BCKDHB: variants seen among roughly 807,000 people sequenced by gnomAD.
The protein encoded by BCKDHB is 2-oxoisovalerate dehydrogenase subunit beta, mitochondrial.
In BCKDHB, 41 loss-of-function variants were observed where a neutral mutation model predicts 48.5. That is an observed-to-expected ratio of 0.85 (90% CI 0.66 to 1.10). The LOEUF (loss-of-function observed/expected upper bound fraction) is 1.10, where lower values mean the gene tolerates loss of function less well. BCKDHB is among the 50% of genes least tolerant of loss of function. BCKDHB has a pLI of 0.00. For missense variants in BCKDHB, 496 were observed against 494.2 expected, an observed-to-expected ratio of 1.00 and a Z score of -0.03; for synonymous variants, 201 against 174.8, an observed-to-expected ratio of 1.15 and a Z score of -1.18.
At chr6:80,203,474 G>A (rs1283256001) in intron 8 of BCKDHB, among the ~76,000 whole-genome samples, 2 of 152,012 alleles carry the variant, frequency 1.3e-5, no homozygotes, top group East Asian at 3.8e-4. Flanking sequence ...AGTCACCTTG[G>A]GTTGAATTGT....
the BCKDHB span, among the ~76,000 whole-genome samples, chr6:80,398,269 C>T: frequency 1.3e-5 from 2 of 148,940 alleles, no homozygotes; most frequent in Non-Finnish European, 3.0e-5. Context: ...AAAAATCACA[C>T]AAAAGTACAA....
chr6:80,231,194 T>C (rs542871032), intron 8 of BCKDHB, among the ~76,000 whole-genome samples: 1 of 152,182 alleles, frequency 6.6e-6, no homozygotes, highest in African/African-American at 2.4e-5. Context: ...TACTTAATTA[T>C]ACATACTTAA....
rs965384463 is a variant in BCKDHB, at chr6:80,198,101, T to A, written c.743-2833T>A. Among the ~76,000 whole-genome samples, 7 of 152,182 alleles carry A rather than the reference T, an allele frequency of 4.6e-5. No homozygotes were observed. In the East Asian group the frequency reaches 5.8e-4, roughly 13 times the overall value. ...CAATCTTTTTCTGTAAACGAACAGA[T>A]GGTAAATATTTTAGGTTTGCAGACC... On this transcript the variant is annotated intron_variant, in intron 6 of 9. Coordinates refer to ENST00000320393, the MANE Select transcript of BCKDHB (RefSeq NM_183050.4).
chr6:80,436,115 CTTTG>C, the BCKDHB span, among the ~76,000 whole-genome samples: 2,349 of 115,028 alleles, frequency 0.02, 61 homozygotes, highest in African/African-American at 0.066. Flanking sequence ...CTAATATTAA[CTTTG>C]TTTGTATTCT....
chr6:80,393,658 C>G, the BCKDHB span, among the ~76,000 whole-genome samples: 8 of 152,198 alleles, frequency 5.3e-5, no homozygotes, highest in African/African-American at 1.9e-4. Flanking sequence ...AACACCCCAT[C>G]AGCAAGCCTT....
chr6:80,306,085 C>G (rs1292520598), intron 9 of BCKDHB, among the ~76,000 whole-genome samples: 1 of 152,160 alleles, frequency 6.6e-6, no homozygotes, highest in East Asian at 1.9e-4. Context: ...ACATGTAAAA[C>G]TGGAACATCA....
chr6:80,326,248 G>A (rs528936025), intron 9 of BCKDHB, among the ~76,000 whole-genome samples: 28 of 152,160 alleles, frequency 1.8e-4, no homozygotes, highest in African/African-American at 5.8e-4. Context: ...AAGAGTCTCC[G>A]CCATAAGCTT....
At chr6:80,125,553 A>T (rs1021148092) in intron 1 of BCKDHB, among the ~76,000 whole-genome samples, 14 of 152,130 alleles carry the variant, frequency 9.2e-5, no homozygotes, top group African/African-American at 2.9e-4. Flanking sequence ...AGTCATTTCT[A>T]ACTTACGATT....
intron 8 of BCKDHB, among the ~76,000 whole-genome samples, chr6:80,271,336 G>T (rs1378253992): frequency 6.6e-6 from 1 of 152,050 alleles, no homozygotes; most frequent in African/African-American, 2.4e-5. Context: ...CCTCTGCTGA[G>T]GAGTGCTCAG....
At chr6:80,319,454 A>C (rs991939009) in intron 9 of BCKDHB, among the ~76,000 whole-genome samples, 4 of 152,206 alleles carry the variant, frequency 2.6e-5, no homozygotes, top group Non-Finnish European at 4.4e-5. Flanking sequence ...TATTACTACA[A>C]TCTCTCTTGA....
the BCKDHB span, among the ~76,000 whole-genome samples, chr6:80,436,841 AT>A: frequency 1.3e-5 from 2 of 152,164 alleles, no homozygotes; most frequent in Non-Finnish European, 2.9e-5. Context: ...TTCTAAGAAT[AT>A]GTTTTCCTTT....
chr6:80,164,980 A>G (rs1239701980), intron 3 of BCKDHB, among the ~76,000 whole-genome samples: 1 of 152,260 alleles, frequency 6.6e-6, no homozygotes, highest in African/African-American at 2.4e-5. Context: ...GCTACATCAT[A>G]GAAACTTGTC....
In BCKDHB at chr6:80,345,060, T is replaced by A. The variant is rs1179324737; in HGVS notation, c.*1256T>A. 6.6e-6 allele frequency: 1 copy of A among 152,200 alleles called. No individual in the cohort carries two copies. The highest frequency in any genetic ancestry group is 1.5e-5 in the Non-Finnish European group (1 of 68,040). 9.4% of individuals were successfully genotyped at this position (152,200 alleles called of 1,614,324 possible). A position where few individuals can be genotyped will look rare whatever the true frequency, so the allele number is the denominator to read the frequency against. Reference sequence around the variant, plus strand: ...AGCTTTTTTAACAAGTGAATATTTTTTACATAATGGATAATAAATGGTATT... The same window carrying A: ...AGCTTTTTTAACAAGTGAATATTTTATACATAATGGATAATAAATGGTATT... On this transcript the variant is annotated 3_prime_UTR_variant, in exon 10 of 10. Transcript: ENST00000320393.
rs118110788 is a variant in BCKDHB at position 80,133,482 on chromosome 6, A to G, written c.343+4253A>G. 7.2e-5 allele frequency among the ~76,000 whole-genome samples: 11 copies of G among 152,300 alleles called. No individual in the cohort carries two copies. In the East Asian group the frequency reaches 2.1e-3, roughly 29 times the overall value. On this transcript the variant is annotated intron_variant, in intron 3 of 9. Transcript: ENST00000320393. Reference sequence around the variant, plus strand: ...AAGAAAATAGTATGTCCTCATCAACATTGCATTCCAAATGGCAGCTTTAAC... The same window carrying G: ...AAGAAAATAGTATGTCCTCATCAACGTTGCATTCCAAATGGCAGCTTTAAC...
chr6:80,200,031 T>TCCAGCCTG (rs1774313288), intron 6 of BCKDHB, among the ~76,000 whole-genome samples: 1 of 115,942 alleles, frequency 8.6e-6, no homozygotes. Context: ...ACCACTGCAC[T>TCCAGCCTG]CCAGCCTGGG....
the BCKDHB span, among the ~76,000 whole-genome samples, chr6:80,391,344 C>A: frequency 6.6e-6 from 1 of 152,074 alleles, no homozygotes; most frequent in East Asian, 1.9e-4. Flanking sequence ...AGTTGAGGAT[C>A]TTGAGAGGTG....
intron 3 of BCKDHB, among the ~76,000 whole-genome samples, chr6:80,138,438 C>T (rs1207614076): frequency 6.6e-6 from 1 of 151,926 alleles, no homozygotes; most frequent in African/African-American, 2.4e-5. Flanking sequence ...TGCTATTCCT[C>T]CCCCGTCCCC....
intron 8 of BCKDHB, among the ~76,000 whole-genome samples, chr6:80,235,162 T>C (rs1467908158): frequency 6.6e-6 from 1 of 152,208 alleles, no homozygotes; most frequent in African/African-American, 2.4e-5. Context: ...AGATCTACAA[T>C]GTTCCTAACA....
intron 3 of BCKDHB, among the ~76,000 whole-genome samples, chr6:80,155,412 A>G (rs1771991409): frequency 6.6e-6 from 1 of 152,162 alleles, no homozygotes; most frequent in Non-Finnish European, 1.5e-5. Flanking sequence ...AAATTTCTCT[A>G]GTAGAAAGAA....
Sources: gnomAD v4.1 joint callset for allele counts (sites outside exome capture counted in the v4.1 genomes callset) on GRCh38, gnomAD v4.1.1 for gene constraint, MANE v1.5 for transcripts, NCBI Gene and HGNC (gene_info 2026-07-23, HGNC 2026-07-21) for gene names.